Variants in ITSN1 observed in about 807,000 individuals in gnomAD.
The protein encoded by ITSN1 is intersectin-1.
ITSN1 carries 58 observed loss-of-function variants against 239.8 expected under a neutral mutation model. The observed-to-expected ratio is 0.24, with a 90% CI of 0.20 to 0.30. The LOEUF (loss-of-function observed/expected upper bound fraction) is 0.30. Ranked by LOEUF, ITSN1 falls within the 10% of genes least tolerant of loss-of-function variation. The pLI is 1.00. For synonymous variants in ITSN1, 780 were observed against 770.8 expected (o/e 1.01, Z -0.20); for missense variants, 1,558 against 2,103.3 (o/e 0.74, Z 5.07).
At position 33,818,472 on chromosome 21, in the gene ITSN1, G is replaced by A; in HGVS notation, c.2933G>A (p.Ser978Asn). Reference sequence around the variant, plus strand: ...TCAGGGCCCATAAGGAAGTCTACAAGGTATTTTTGTATTTATCTGCTTGTA... The same window carrying A: ...TCAGGGCCCATAAGGAAGTCTACAAAGTATTTTTGTATTTATCTGCTTGTA... ...LISGPIRKST[S>N]MDSGSSESPA... The change falls in exon 23 of 40, where the codon AGC becomes AAC. Residue 978 changes from serine to asparagine, a missense_variant and splice_region_variant. Physicochemically the swap from Ser to Asn is conservative, Grantham distance 46. Transcript: ENST00000381318. 6.2e-7 allele frequency: 1 copy of A among 1,611,978 alleles called. No homozygotes were observed.
chr21:33,815,193 G>A (rs1039228546), intron 22 of ITSN1, among the ~76,000 whole-genome samples: 2 of 152,068 alleles, frequency 1.3e-5, no homozygotes, highest in Non-Finnish European at 2.9e-5. Context: ...GAACATTATC[G>A]GATATCAGGA....
chr21:33,658,098 A>C (rs1010571652), intron 1 of ITSN1, among the ~76,000 whole-genome samples: 1 of 152,228 alleles, frequency 6.6e-6, no homozygotes, highest in Non-Finnish European at 1.5e-5. Context: ...TTTGTATGCT[A>C]TATGTATGAT....
At chr21:33,766,620 G>A (rs527279992) in intron 10 of ITSN1, among the ~76,000 whole-genome samples, 1 of 152,270 alleles carries the variant, frequency 6.6e-6, no homozygotes, top group Admixed American at 6.5e-5. Context: ...ATGAAAGAAA[G>A]ATTAAGATTT....
At chr21:33,653,359 C>T (rs1028623714) in intron 1 of ITSN1, among the ~76,000 whole-genome samples, 1 of 152,140 alleles carries the variant, frequency 6.6e-6, no homozygotes, top group African/African-American at 2.4e-5. Context: ...CTGTATATGC[C>T]TGGCATTGCT....
At chr21:33,845,151 T>C (rs2074950621) in intron 29 of ITSN1, among the ~76,000 whole-genome samples, 1 of 151,010 alleles carries the variant, frequency 6.6e-6, no homozygotes, top group South Asian at 2.1e-4. Context: ...TGAGTGGGGG[T>C]TCCAGCTAGT....
chr21:33,854,209 C>T (rs748760514), intron 29 of ITSN1, among the ~76,000 whole-genome samples: 1 of 152,240 alleles, frequency 6.6e-6, no homozygotes, highest in Non-Finnish European at 1.5e-5. Flanking sequence ...TGTGGGGCAT[C>T]CTTAAAGGGA....
At chr21:33,757,222 C>T (rs1018486613) in intron 8 of ITSN1, 1 of 151,910 alleles carries the variant, frequency 6.6e-6, no homozygotes. Context: ...AAATAGTATT[C>T]AATTGAGACA....
rs1285299749 is a variant in ITSN1 at position 33,888,353 on chromosome 21, T to C, written c.*53T>C. 1 of 1,523,510 alleles carries C rather than the reference T, an allele frequency of 6.6e-7. No individual in the cohort carries two copies. The highest frequency in any genetic ancestry group is 1.4e-5 in the African/African-American group (1 of 72,162). The allele number at this position is 1,523,510 out of a possible 1,614,324, so 94.4% of individuals were successfully genotyped here. A position where few individuals can be genotyped will look rare whatever the true frequency, so the allele number is the denominator to read the frequency against. ...GGTCCCAGCCCACGGCCACACATGCTGTCTGGAAATTGTATTCCTTTTCTA... is the reference window on the plus strand; with the variant it reads ...GGTCCCAGCCCACGGCCACACATGCCGTCTGGAAATTGTATTCCTTTTCTA... On this transcript the variant is annotated 3_prime_UTR_variant, in exon 40 of 40. Coordinates refer to ENST00000381318, the MANE Select transcript of ITSN1 (RefSeq NM_003024.3).
intron 33 of ITSN1, among the ~76,000 whole-genome samples, chr21:33,874,404 G>C (rs985318249): frequency 6.6e-6 from 1 of 152,090 alleles, no homozygotes; most frequent in Non-Finnish European, 1.5e-5. Flanking sequence ...TATGCCCCAG[G>C]CTGCATGCTA....
chr21:33,874,441 G>A (rs544962471), intron 33 of ITSN1, among the ~76,000 whole-genome samples: 4 of 152,112 alleles, frequency 2.6e-5, no homozygotes, highest in Non-Finnish European at 5.9e-5. Flanking sequence ...TCCCTGCCCT[G>A]CCCTCCAAGG....
At chr21:33,828,865 T>G in intron 26 of ITSN1, 2 of 441,958 alleles carry the variant, frequency 4.5e-6, no homozygotes, top group Non-Finnish European at 4.7e-6. Flanking sequence ...ACCGCTGGAG[T>G]TTTTCCCATG....
At position 33,696,342 on chromosome 21, in the gene ITSN1, G is replaced by A. The variant is rs550944030; in HGVS notation, c.-32-22455G>A. On this transcript the variant is annotated intron_variant, in intron 1 of 39. Transcript: ENST00000381318. The stretch of plus-strand genomic sequence containing the variant: ...TTGGGCAAATACTTAACAGTCCTTA[G>A]CAGTCTCTCCATTGAGTTTTCCACC... Among the ~76,000 whole-genome samples the A allele has an allele frequency of 5.9e-5, 9 of 152,244 alleles. 1 individual carries two copies. The East Asian group carries it at 1.7e-3, about 29-fold the overall frequency.
intron 14 of ITSN1, among the ~76,000 whole-genome samples, chr21:33,775,925 A>G (rs898194070): frequency 3.9e-5 from 6 of 152,232 alleles, no homozygotes; most frequent in African/African-American, 1.4e-4. Flanking sequence ...GCTGAACTAC[A>G]GGGGCATCAA....
chr21:33,785,238 T>C (rs1348488241), intron 16 of ITSN1, among the ~76,000 whole-genome samples: 4 of 152,188 alleles, frequency 2.6e-5, no homozygotes, highest in Admixed American at 6.5e-5. Flanking sequence ...GCTCCACAAA[T>C]GAGGATAACA....
intron 16 of ITSN1, among the ~76,000 whole-genome samples, chr21:33,792,173 C>A (rs1033727942): frequency 3.9e-5 from 6 of 152,050 alleles, no homozygotes; most frequent in Non-Finnish European, 8.8e-5. Flanking sequence ...AGATTAGAAT[C>A]CTGGTTTCTT....
At chr21:33,795,926 A>C (rs576968155) in intron 17 of ITSN1, among the ~76,000 whole-genome samples, 31 of 150,038 alleles carry the variant, frequency 2.1e-4, no homozygotes, top group Non-Finnish European at 3.6e-4. Flanking sequence ...GGTGACCTTC[A>C]TTGGTAGAAA....
intron 11 of ITSN1, among the ~76,000 whole-genome samples, chr21:33,770,603 T>C (rs2069085038): frequency 6.6e-6 from 1 of 152,154 alleles, no homozygotes; most frequent in Non-Finnish European, 1.5e-5. Context: ...CAATCTGCTT[T>C]CTGATTCTTG....
At chr21:33,783,035 G>A (rs1387630946) in intron 16 of ITSN1, among the ~76,000 whole-genome samples, 2 of 151,444 alleles carry the variant, frequency 1.3e-5, no homozygotes, top group African/African-American at 2.4e-5. Flanking sequence ...AAAAAAAAAA[G>A]GAATGTTAAT....
intron 6 of ITSN1, 112 bp downstream of exon 6, chr21:33,750,434 C>A: frequency 1.0e-6 from 1 of 980,086 alleles, no homozygotes; most frequent in Non-Finnish European, 1.5e-6. Context: ...TATTTTAGTC[C>A]AGAGGAAAAT....
Sources: allele counts gnomAD v4.1 joint callset (sites outside exome capture counted in the v4.1 genomes callset), GRCh38; gene constraint gnomAD v4.1.1; transcripts MANE v1.5; gene names NCBI Gene and HGNC (gene_info 2026-07-23, HGNC 2026-07-21).